MMP26: variants seen among roughly 807,000 people sequenced by gnomAD.
The protein encoded by MMP26 is matrix metalloproteinase-26.
In MMP26, 33 loss-of-function variants were observed where a neutral mutation model predicts 31.0. That is an observed-to-expected ratio of 1.06 (90% confidence interval 0.81 to 1.42). The LOEUF (loss-of-function observed/expected upper bound fraction) is 1.42. Ranked by LOEUF, MMP26 falls within the 40% of genes most tolerant of loss-of-function variation. MMP26 has a pLI of 0.00. For synonymous variants in MMP26, 122 were observed against 114.9 expected, an observed-to-expected ratio of 1.06 and a Z score of -0.40; for missense variants, 347 against 316.1, an observed-to-expected ratio of 1.10 and a Z score of -0.74.
At chr11:4,786,690 G>C (rs577923484) in intron 2 of MMP26, 14 of 152,042 alleles carry the variant, frequency 9.2e-5, no homozygotes, top group African/African-American at 3.4e-4. Flanking sequence ...GATAGATTTG[G>C]AATTTAGTTC....
intron 2 of MMP26, among the ~76,000 whole-genome samples, chr11:4,829,176 G>A (rs1042594419): frequency 4.6e-5 from 7 of 152,194 alleles, no homozygotes; most frequent in African/African-American, 1.7e-4. Context: ...CTGACCTTAA[G>A]TAGGGTTTAC....
At chr11:4,732,673 G>A (rs1848189358) in intron 1 of MMP26, among the ~76,000 whole-genome samples, 1 of 151,836 alleles carries the variant, frequency 6.6e-6, no homozygotes, top group African/African-American at 2.4e-5. Context: ...TGTCTCTATA[G>A]ATTTGCCTAT....
intron 2 of MMP26, among the ~76,000 whole-genome samples, chr11:4,783,680 T>C (rs112128527): frequency 0.095 from 14,417 of 152,224 alleles, 845 homozygotes; most frequent in Middle Eastern, 0.15. Flanking sequence ...TCTCATCTTG[T>C]ATCTCCCATA....
intron 2 of MMP26, among the ~76,000 whole-genome samples, chr11:4,850,134 C>T (rs1564793710): frequency 6.6e-6 from 1 of 151,972 alleles, no homozygotes; most frequent in Non-Finnish European, 1.5e-5. Flanking sequence ...TTTCCTTGGC[C>T]CTCTTTATTT....
intron 2 of MMP26, among the ~76,000 whole-genome samples, chr11:4,830,653 A>C (rs1849634165): frequency 6.6e-6 from 1 of 152,224 alleles, no homozygotes; most frequent in Non-Finnish European, 1.5e-5. Flanking sequence ...TCAGACTGTT[A>C]GCCATACCAT....
intron 2 of MMP26, among the ~76,000 whole-genome samples, chr11:4,790,663 G>A (rs184740454): frequency 1.3e-5 from 2 of 152,226 alleles, no homozygotes; most frequent in East Asian, 1.9e-4. Context: ...GTAAGAACAT[G>A]GTAAGTCAAT....
At chr11:4,765,333 A>C (rs1161231248) in intron 1 of MMP26, among the ~76,000 whole-genome samples, 2 of 152,168 alleles carry the variant, frequency 1.3e-5, no homozygotes, top group Non-Finnish European at 1.5e-5. Context: ...ACTGCACCAC[A>C]TTCTAGGATG....
At chr11:4,930,852 A>G (rs940363865) in intron 2 of MMP26, among the ~76,000 whole-genome samples, 3 of 151,928 alleles carry the variant, frequency 2.0e-5, no homozygotes, top group African/African-American at 7.2e-5. Flanking sequence ...AATACTATAT[A>G]AATAATATTT....
chr11:4,790,159 G>A (rs920156412), intron 2 of MMP26, among the ~76,000 whole-genome samples: 1 of 152,014 alleles, frequency 6.6e-6, no homozygotes, highest in Non-Finnish European at 1.5e-5. Flanking sequence ...GGCTAACATA[G>A]TGAAACCCCG....
At chr11:4,947,618 T>C (rs1236382844) in intron 2 of MMP26, 1 of 127,836 alleles carries the variant, frequency 7.8e-6, no homozygotes, top group African/African-American at 2.7e-5. Flanking sequence ...AAGGTATTGT[T>C]GAACTTGTCC....
At chr11:4,992,156 T>C (rs752245047) in intron 7 of MMP26, 31 bp downstream of exon 7, 2 of 1,609,326 alleles carry the variant, frequency 1.2e-6, no homozygotes, top group Admixed American at 1.7e-5. Flanking sequence ...AGAAGGGAGA[T>C]CTGGGCAGGA....
At chr11:4,971,037 T>A (rs1846659481) in intron 2 of MMP26, among the ~76,000 whole-genome samples, 1 of 152,164 alleles carries the variant, frequency 6.6e-6, no homozygotes, top group Admixed American at 6.5e-5. Flanking sequence ...AAGAATCAAA[T>A]GGAAGTAATA....
intron 2 of MMP26, among the ~76,000 whole-genome samples, chr11:4,816,795 A>T (rs935590127): frequency 4.0e-4 from 55 of 138,824 alleles, no homozygotes; most frequent in African/African-American, 1.4e-3. Context: ...GCTCCGCCTC[A>T]TGGGTTCACG....
intron 2 of MMP26, among the ~76,000 whole-genome samples, chr11:4,874,437 T>G (rs1191052230): frequency 6.6e-6 from 1 of 152,016 alleles, no homozygotes; most frequent in Non-Finnish European, 1.5e-5. Context: ...AGGCTCCTAT[T>G]TCATTTATTT....
rs1848052019 is a variant in MMP26 at position 4,723,677 on chromosome 11, C to G, written c.-217+18632C>G. Reference sequence around the variant, plus strand: ...TTGTTCTTGCAGTTCTCCATCAGCCCTTGCATGTTGCCAAGCTTCAGCTTC... The same window carrying G: ...TTGTTCTTGCAGTTCTCCATCAGCCGTTGCATGTTGCCAAGCTTCAGCTTC... On this transcript the variant is annotated intron_variant, in intron 1 of 7. Coordinates refer to ENST00000380390, the MANE Select transcript of MMP26 (RefSeq NM_021801.5). The G allele has an allele frequency of 1.1e-5, 10 of 895,478 alleles. 1 individual carries two copies. In the South Asian group the frequency reaches 1.3e-4, roughly 12 times the overall value. 55.5% of individuals were successfully genotyped at this position (895,478 alleles called of 1,614,324 possible). A position where few individuals can be genotyped will look rare whatever the true frequency, so the allele number is the denominator to read the frequency against.
chr11:4,924,972 A>G (rs981809528), intron 2 of MMP26, among the ~76,000 whole-genome samples: 1 of 152,132 alleles, frequency 6.6e-6, no homozygotes, highest in African/African-American at 2.4e-5. Context: ...AAAATGCTCT[A>G]TTGTGTTATA....
At chr11:4,797,537 C>T (rs1849124316) in intron 2 of MMP26, among the ~76,000 whole-genome samples, 1 of 152,164 alleles carries the variant, frequency 6.6e-6, no homozygotes, top group South Asian at 2.1e-4. Context: ...CTGGTTTAAA[C>T]ATCCACTGAG....
chr11:4,906,923 C>G (rs1230353989), intron 2 of MMP26, among the ~76,000 whole-genome samples: 2 of 151,764 alleles, frequency 1.3e-5, no homozygotes, highest in African/African-American at 4.8e-5. Context: ...AAACCCATCT[C>G]TACTAAGAAT....
At chr11:4,852,196 A>G (rs1849984951) in intron 2 of MMP26, among the ~76,000 whole-genome samples, 1 of 152,120 alleles carries the variant, frequency 6.6e-6, no homozygotes, top group South Asian at 2.1e-4. Flanking sequence ...GATCCCTAAA[A>G]TACATGAACC....
Sources: allele counts gnomAD v4.1 joint callset (sites outside exome capture counted in the v4.1 genomes callset), GRCh38; gene constraint gnomAD v4.1.1; transcripts MANE v1.5; gene names NCBI Gene and HGNC (gene_info 2026-07-23, HGNC 2026-07-21).